The following ZNF782 variants were observed in gnomAD, a reference collection of about 807,000 sequenced individuals.
ZNF782 encodes zinc finger protein 782.
Under a neutral mutation model 13.0 loss-of-function variants are expected in ZNF782, and 12 were observed. The ratio of observed to expected loss-of-function variants is 0.92; its 90% CI spans 0.59 to 1.50. The LOEUF is 1.50. Ranked by LOEUF, ZNF782 falls within the 40% of genes most tolerant of loss-of-function variation. The pLI, the probability that ZNF782 is intolerant of heterozygous loss-of-function variation, is 0.00. For synonymous variants in ZNF782, 284 were observed against 283.0 expected (o/e 1.00, Z -0.04); for missense variants, 770 against 822.9 (o/e 0.94, Z 0.79).
chr9:96,817,873 A>C lies in ZNF782; in HGVS notation c.*50T>G. The C allele has an allele frequency of 6.8e-7, 1 of 1,464,444 alleles. No homozygotes were observed. 90.7% of individuals were successfully genotyped at this position (1,464,444 alleles called of 1,614,324 possible). On this transcript the variant is annotated 3_prime_UTR_variant, in exon 6 of 6. Transcript: ENST00000481138. ...CCTGTGTGTTCATTTATGTATTGTG[A>C]GGTTTGATTTCCAGCTCAGAGTTTT...
At chr9:96,879,589 C>A (rs921653681), upstream of ZNF782, among the ~76,000 whole-genome samples, 4 of 152,162 alleles carry the variant, frequency 2.6e-5, no homozygotes, top group Non-Finnish European at 5.9e-5. Context: ...GTTGGTGAGA[C>A]GCCCTGTGAC....
upstream of ZNF782, among the ~76,000 whole-genome samples, chr9:96,876,789 T>C (rs1240480189): frequency 6.6e-6 from 1 of 151,842 alleles, no homozygotes; most frequent in Non-Finnish European, 1.5e-5. Context: ...GCGGATTGCC[T>C]GAGTTCAGAA....
intron 1 of ZNF782, among the ~76,000 whole-genome samples, chr9:96,864,930 C>T (rs1315202767): frequency 6.6e-6 from 1 of 151,368 alleles, no homozygotes; most frequent in South Asian, 2.1e-4. Flanking sequence ...CCTGTAGTCC[C>T]AGCTACTTGA....
intron 4 of ZNF782, among the ~76,000 whole-genome samples, chr9:96,843,341 G>A (rs578001900): frequency 3.8e-4 from 58 of 152,210 alleles, no homozygotes; most frequent in South Asian, 1.2e-3. Context: ...GAAATACTAC[G>A]TAGCTATAAA....
chr9:96,870,443 A>G (rs574903043), intron 1 of ZNF782, among the ~76,000 whole-genome samples: 25 of 152,228 alleles, frequency 1.6e-4, no homozygotes, highest in Non-Finnish European at 3.5e-4. Context: ...TTCCTGCTGA[A>G]GAACTAGAAA....
intron 1 of ZNF782, among the ~76,000 whole-genome samples, chr9:96,869,670 C>A (rs1456615249): frequency 6.6e-6 from 1 of 152,208 alleles, no homozygotes; most frequent in Non-Finnish European, 1.5e-5. Context: ...AAATTACTCA[C>A]AACTGACATG....
rs934082929 is a variant in ZNF782, at chr9:96,823,466, A to G, written c.244+3614T>C. 7.9e-5 allele frequency among the ~76,000 whole-genome samples: 12 copies of G among 152,206 alleles called. 1 individual carries two copies. Reference sequence around the variant, plus strand: ...TATTCAAAACTCTTAAATATATTTTAAAGTTCTCTACTTTTAAAATATCCT... The same window carrying G: ...TATTCAAAACTCTTAAATATATTTTGAAGTTCTCTACTTTTAAAATATCCT... On this transcript the variant is annotated intron_variant, in intron 5 of 5. Coordinates refer to ENST00000481138, the MANE Select transcript of ZNF782 (RefSeq NM_001001662.3).
In ZNF782 at chr9:96,819,647, T is replaced by A. The variant is rs1445902571; in HGVS notation, c.376A>T (p.Ile126Leu). 6.2e-7 allele frequency: 1 copy of A among 1,614,132 alleles called. No individual in the cohort carries two copies. The highest frequency in any genetic ancestry group is 1.3e-5 in the African/African-American group (1 of 75,046). ...ATCATTCTTGCACGAAAAATGTTTATGTCTCGATTATGTGGTTTTCCTGAA... is the reference window on the plus strand; with the variant it reads ...ATCATTCTTGCACGAAAAATGTTTAAGTCTCGATTATGTGGTTTTCCTGAA... ...EISGKPHNRD[I>L]NIFRARMMPC... Residue 126 changes from isoleucine (I) to leucine (L), a missense_variant, in exon 6 of 6, where the codon ATA becomes TTA. Transcript: ENST00000481138.
chr9:96,866,387 C>G (rs1364706226), intron 1 of ZNF782, among the ~76,000 whole-genome samples: 2 of 152,126 alleles, frequency 1.3e-5, no homozygotes, highest in Admixed American at 6.5e-5. Flanking sequence ...GCCTTGGAAG[C>G]TTTTATGTGG....
chr9:96,909,800 G>C, the ZNF782 span, among the ~76,000 whole-genome samples: 2 of 151,830 alleles, frequency 1.3e-5, no homozygotes, highest in Middle Eastern at 3.4e-3. Context: ...AAGACCAAAA[G>C]CTTGCTAAAC....
intron 5 of ZNF782, among the ~76,000 whole-genome samples, chr9:96,826,774 G>A (rs1387432286): frequency 1.3e-5 from 2 of 152,132 alleles, no homozygotes; most frequent in African/African-American, 4.8e-5. Flanking sequence ...GCAGATGCTA[G>A]ACAGAGGGTG....
the ZNF782 span, among the ~76,000 whole-genome samples, chr9:96,900,883 A>C: frequency 7.3e-6 from 1 of 137,534 alleles, no homozygotes; most frequent in Non-Finnish European, 1.5e-5. Context: ...GTGGTGGCTC[A>C]TGCCTGTAAT....
At chr9:96,911,510 G>GTTTTTTTTTTTTTTTTTTTTTTTTTTTT in the ZNF782 span, among the ~76,000 whole-genome samples, 1 of 109,694 alleles carries the variant, frequency 9.1e-6, no homozygotes, top group East Asian at 3.3e-4. Context: ...TTTTTTTTTT[G>GTTTTTTTTTTTTTTTTTTTTTTTTTTTT]TTTTTGTTTT....
the ZNF782 span, among the ~76,000 whole-genome samples, chr9:96,930,816 T>A: frequency 2.7e-5 from 4 of 150,404 alleles, no homozygotes; most frequent in African/African-American, 7.4e-5. Flanking sequence ...CGTTATGTGT[T>A]ATGGGTTATC....
At chr9:96,875,720 T>C, upstream of ZNF782, 1 of 402,126 alleles carries the variant, frequency 2.5e-6, no homozygotes. Context: ...CTTCCCGTTC[T>C]CACCCTCTGA....
the ZNF782 span, among the ~76,000 whole-genome samples, chr9:96,900,014 G>C: frequency 1.3e-5 from 2 of 151,972 alleles, no homozygotes; most frequent in East Asian, 3.8e-4. Context: ...GCCCAGGCTG[G>C]TCTCAAACTC....
intron 4 of ZNF782, among the ~76,000 whole-genome samples, chr9:96,843,321 T>A (rs752305364): frequency 2.6e-5 from 4 of 152,232 alleles, no homozygotes; most frequent in Non-Finnish European, 5.9e-5. Flanking sequence ...AACAATGATA[T>A]TCATACAGTG....
the ZNF782 span, chr9:96,887,252 T>G: frequency 1.4e-5 from 2 of 143,984 alleles, no homozygotes; most frequent in African/African-American, 2.6e-5. Flanking sequence ...TGCTCCAGCC[T>G]GGGCAACAAG....
the ZNF782 span, among the ~76,000 whole-genome samples, chr9:96,924,084 C>T: frequency 6.6e-6 from 1 of 151,578 alleles, no homozygotes; most frequent in Non-Finnish European, 1.5e-5. Context: ...GATCCGCCCA[C>T]CTCAGCCTCC....
Sources: gnomAD v4.1 joint callset for allele counts (sites outside exome capture counted in the v4.1 genomes callset) on GRCh38, gnomAD v4.1.1 for gene constraint, MANE v1.5 for transcripts, NCBI Gene and HGNC (gene_info 2026-07-23, HGNC 2026-07-21) for gene names.